The following BMPER variants were observed in gnomAD, a reference collection of about 807,000 sequenced individuals.
BMPER encodes BMP-binding endothelial regulator protein.
Under a neutral mutation model 87.3 loss-of-function variants are expected in BMPER, and 45 were observed. That is an observed-to-expected ratio of 0.52 (90% CI 0.41 to 0.66). The LOEUF is 0.66. Among genes scored for constraint, BMPER ranks in the 30% least tolerant of loss-of-function variants. The pLI, the probability that BMPER is intolerant of heterozygous loss-of-function variation, is 0.00. For synonymous variants in BMPER, 326 were observed against 316.2 expected (o/e 1.03, Z -0.33); for missense variants, 784 against 867.5 (o/e 0.90, Z 1.21).
chr7:33,922,827 T>C (rs1784268437), intron 2 of BMPER, among the ~76,000 whole-genome samples: 1 of 152,176 alleles, frequency 6.6e-6, no homozygotes, highest in Non-Finnish European at 1.5e-5. Context: ...AATATTTTTT[T>C]TTTACTAATG....
chr7:34,136,625 A>G (rs767873551), intron 13 of BMPER, among the ~76,000 whole-genome samples: 10 of 152,138 alleles, frequency 6.6e-5, no homozygotes, highest in Non-Finnish European at 1.2e-4. Flanking sequence ...ACTCACTTCT[A>G]TGACCTTCCT....
chr7:33,968,462 C>A (rs1372948378), intron 4 of BMPER, among the ~76,000 whole-genome samples: 1 of 152,184 alleles, frequency 6.6e-6, no homozygotes, highest in Non-Finnish European at 1.5e-5. Flanking sequence ...GGCAACCTCT[C>A]TTTGCATGCT....
At chr7:33,920,956 A>G (rs1421522597) in intron 2 of BMPER, among the ~76,000 whole-genome samples, 1 of 152,204 alleles carries the variant, frequency 6.6e-6, no homozygotes, top group Non-Finnish European at 1.5e-5. Flanking sequence ...TGGAACTTTT[A>G]CACAATTATC....
chr7:33,953,948 G>T (rs1366076074), intron 3 of BMPER, among the ~76,000 whole-genome samples: 1 of 152,138 alleles, frequency 6.6e-6, no homozygotes, highest in East Asian at 1.9e-4. Context: ...TGTCTTCAAG[G>T]TTTATCCATG....
At chr7:34,117,161 C>G (rs1790139532) in intron 13 of BMPER, among the ~76,000 whole-genome samples, 1 of 152,078 alleles carries the variant, frequency 6.6e-6, no homozygotes, top group Non-Finnish European at 1.5e-5. Context: ...CCTCATCTAC[C>G]CTTATGTTTT....
At chr7:34,087,919 T>A (rs944822054) in intron 13 of BMPER, among the ~76,000 whole-genome samples, 5 of 152,240 alleles carry the variant, frequency 3.3e-5, no homozygotes, top group Admixed American at 1.3e-4. Context: ...TTTAGTGTTA[T>A]GATTTCTGGA....
At chr7:33,905,832 G>GC in intron 1 of BMPER, 86 bp downstream of exon 1, 1 of 988,042 alleles carries the variant, frequency 1.0e-6, no homozygotes, top group East Asian at 3.3e-5. Context: ...CCGGGGATGG[G>GC]AGGGTGGGGA....
intron 6 of BMPER, among the ~76,000 whole-genome samples, chr7:34,006,835 C>G (rs953566543): frequency 2.1e-4 from 32 of 152,046 alleles, no homozygotes; most frequent in Admixed American, 2.0e-3. Flanking sequence ...GCATAGCTAT[C>G]AAAGCAATCA....
intron 6 of BMPER, among the ~76,000 whole-genome samples, chr7:34,000,954 T>C (rs1786564679): frequency 6.6e-6 from 1 of 152,028 alleles, no homozygotes; most frequent in African/African-American, 2.4e-5. Flanking sequence ...GATCTTGTGG[T>C]TTTTGTCCTT....
intron 6 of BMPER, among the ~76,000 whole-genome samples, chr7:33,977,818 C>T (rs1416632064): frequency 6.6e-6 from 1 of 152,016 alleles, no homozygotes; most frequent in African/African-American, 2.4e-5. Flanking sequence ...TGCAAACATA[C>T]ACATTTCTCA....
intron 13 of BMPER, among the ~76,000 whole-genome samples, chr7:34,120,978 G>A (rs1488773611): frequency 6.6e-6 from 1 of 151,442 alleles, no homozygotes; most frequent in Non-Finnish European, 1.5e-5. Flanking sequence ...GTTATTTAAT[G>A]TTATATTAAC....
At chr7:34,129,848 T>C (rs148108823) in intron 13 of BMPER, among the ~76,000 whole-genome samples, 35 of 152,338 alleles carry the variant, frequency 2.3e-4, no homozygotes, top group Non-Finnish European at 4.4e-4. Context: ...GCAAATTGCA[T>C]TCAGTTCTGC....
intron 2 of BMPER, among the ~76,000 whole-genome samples, chr7:33,920,924 C>T (rs528676526): frequency 2.0e-5 from 3 of 152,198 alleles, no homozygotes; most frequent in Admixed American, 1.3e-4. Flanking sequence ...GGTCAACTAC[C>T]GTTTACGTAA....
intron 6 of BMPER, among the ~76,000 whole-genome samples, chr7:34,000,285 TATA>T (rs1363736723): frequency 6.6e-6 from 1 of 152,076 alleles, no homozygotes; most frequent in African/African-American, 2.4e-5. Flanking sequence ...CATTCAATGT[TATA>T]AAAGAAAAAA....
intron 10 of BMPER, 37 bp from the exon 11 acceptor site, chr7:34,061,965 T>TTTTTTAA: frequency 1.1e-5 from 17 of 1,519,730 alleles, no homozygotes; most frequent in Admixed American, 1.8e-5. Context: ...TTTTTTTTTT[T>TTTTTTAA]AAACAGTAAC....
intron 13 of BMPER, among the ~76,000 whole-genome samples, chr7:34,133,995 A>T (rs1361273834): frequency 6.6e-6 from 1 of 152,200 alleles, no homozygotes; most frequent in Non-Finnish European, 1.5e-5. Flanking sequence ...GATGTAGTAC[A>T]TAGGTGAAAT....
At chr7:34,120,048 A>G (rs17825576) in intron 13 of BMPER, among the ~76,000 whole-genome samples, 3,202 of 152,304 alleles carry the variant, frequency 0.021, 54 homozygotes, top group Non-Finnish European at 0.033. Flanking sequence ...CTTCACATTT[A>G]CATAAAAAAT....
At chr7:34,116,827 T>C (rs1294200040) in intron 13 of BMPER, among the ~76,000 whole-genome samples, 1 of 151,982 alleles carries the variant, frequency 6.6e-6, no homozygotes, top group African/African-American at 2.4e-5. Flanking sequence ...CCGTCTCTAC[T>C]AGAAATACAA....
chr7:33,987,781 C>T (rs1786051719), intron 6 of BMPER, among the ~76,000 whole-genome samples: 1 of 152,016 alleles, frequency 6.6e-6, no homozygotes, highest in Non-Finnish European at 1.5e-5. Context: ...AATTACAAAA[C>T]TATGTGAGGA....
Sources: gnomAD v4.1 joint callset for allele counts (sites outside exome capture counted in the v4.1 genomes callset) on GRCh38, gnomAD v4.1.1 for gene constraint, MANE v1.5 for transcripts, NCBI Gene and HGNC (gene_info 2026-07-23, HGNC 2026-07-21) for gene names.